FCHO1: variants seen among roughly 807,000 people sequenced by gnomAD.
FCHO1 encodes the protein FCH and mu domain containing endocytic adaptor 1.
FCHO1 carries 45 observed loss-of-function variants against 114.4 expected under a neutral mutation model. The observed-to-expected ratio is 0.39, with a 90% CI of 0.31 to 0.50. The LOEUF is 0.50. Among genes scored for constraint, FCHO1 ranks in the 20% least tolerant of loss-of-function variants. The pLI, the probability that FCHO1 is intolerant of heterozygous loss-of-function variation, is 0.77. For synonymous variants in FCHO1, 480 were observed against 488.9 expected (o/e 0.98, Z 0.24); for missense variants, 1,042 against 1,209.6 (o/e 0.86, Z 2.06).
rs900630269 is a variant in FCHO1, at chr19:17,788,461, G to A, written c.*155G>A. On this transcript the variant is annotated 3_prime_UTR_variant, in exon 29 of 29. Coordinates refer to ENST00000596536, the MANE Select transcript of FCHO1 (RefSeq NM_015122.3). ...CCATGCCCAGCCTGGCTGAGCCCGAGATTCGCTCCTCCCCCTCATGCCAAC... is the reference window on the plus strand; with the variant it reads ...CCATGCCCAGCCTGGCTGAGCCCGAAATTCGCTCCTCCCCCTCATGCCAAC... 3.3e-6 allele frequency: 2 copies of A among 603,344 alleles called. No homozygotes were observed. The highest frequency in any genetic ancestry group is 1.9e-5 in the African/African-American group (1 of 52,824). 37.4% of individuals were successfully genotyped at this position (603,344 alleles called of 1,614,324 possible). A position where few individuals can be genotyped will look rare whatever the true frequency, so the allele number is the denominator to read the frequency against.
intron 6 of FCHO1, 26 bp downstream of exon 6, chr19:17,764,475 T>G: frequency 6.4e-7 from 1 of 1,573,610 alleles, no homozygotes; most frequent in Non-Finnish European, 8.7e-7. Context: ...GTCACCAACA[T>G]GGGGACATTG....
intron 7 of FCHO1, 145 bp from the exon 8 acceptor site, chr19:17,770,280 A>G (rs928902413): frequency 9.4e-6 from 7 of 741,162 alleles, no homozygotes; most frequent in Non-Finnish European, 1.2e-5. Context: ...CAGCCTGGAC[A>G]ACAAGAGCGA....
chr19:17,749,440 G>T (rs1435022630), upstream of FCHO1, among the ~76,000 whole-genome samples: 1 of 152,120 alleles, frequency 6.6e-6, no homozygotes, highest in African/African-American at 2.4e-5. Flanking sequence ...TCTTTAAATC[G>T]GGTCACAGCT....
intron 7 of FCHO1, among the ~76,000 whole-genome samples, 163 bp from the exon 8 acceptor site, chr19:17,770,261 AC>A (rs2091081841): frequency 6.6e-6 from 1 of 152,194 alleles, no homozygotes; most frequent in Non-Finnish European, 1.5e-5. Flanking sequence ...AGATCGTGCC[AC>A]TGCACTCCAG....
At position 17,766,801 on chromosome 19, in the gene FCHO1, C is replaced by T. The variant is rs771056954; in HGVS notation, c.327C>T (p.Thr109=). 6.2e-6 allele frequency: 10 copies of T among 1,613,734 alleles called. No homozygotes were observed. The highest frequency in any genetic ancestry group is 7.6e-6 in the Non-Finnish European group (9 of 1,179,816). The part of the protein sequence containing the change: ...VLRYGEEQLK[T]HKKCKEEVVS... Reference sequence around the variant, plus strand: ...GCTACGGCGAGGAACAGCTCAAGACCCACAAGAAGGTGTGTGTCGTGGGCG... The same window carrying T: ...GCTACGGCGAGGAACAGCTCAAGACTCACAAGAAGGTGTGTGTCGTGGGCG... Residue 109 remains threonine (T), a synonymous_variant, in exon 7 of 29, where the codon ACC becomes ACT. Transcript: ENST00000596536.
chr19:17,781,686 C>A, intron 22 of FCHO1, 26 bp from the exon 23 acceptor site: 1 of 1,569,944 alleles, frequency 6.4e-7, no homozygotes, highest in Middle Eastern at 1.7e-4. Context: ...ATCCGTTGTT[C>A]CCCATTCCCT....
intron 26 of FCHO1, among the ~76,000 whole-genome samples, chr19:17,785,335 C>T (rs746278299): frequency 3.9e-5 from 6 of 152,192 alleles, no homozygotes; most frequent in Non-Finnish European, 7.3e-5. Flanking sequence ...TTTTCTCTGC[C>T]TCAGCCTCCC....
chr19:17,785,258 C>T (rs1025025913), intron 26 of FCHO1, among the ~76,000 whole-genome samples: 13 of 152,176 alleles, frequency 8.5e-5, no homozygotes, highest in African/African-American at 2.7e-4. Context: ...CTCGCTCTGT[C>T]GTGCAGGTTG....
intron 4 of FCHO1, among the ~76,000 whole-genome samples, chr19:17,760,145 G>A (rs752288019): frequency 3.1e-4 from 47 of 151,832 alleles, no homozygotes; most frequent in Non-Finnish European, 4.4e-4. Flanking sequence ...TCTGCCTCCC[G>A]GGTTCAAGCG....
At chr19:17,747,992 T>C (rs570457094), upstream of FCHO1, among the ~76,000 whole-genome samples, 90 of 152,256 alleles carry the variant, frequency 5.9e-4, no homozygotes, top group African/African-American at 2.0e-3. Context: ...CAAGTGGTAA[T>C]TGGGGGTCCG....
chr19:17,750,481 CAG>C (rs1164669462), upstream of FCHO1, among the ~76,000 whole-genome samples: 1 of 152,124 alleles, frequency 6.6e-6, no homozygotes, highest in African/African-American at 2.4e-5. Context: ...GTTTTTGAGA[CAG>C]AGTCTCTCTC....
At chr19:17,771,295 G>C (rs73520410) in intron 9 of FCHO1, among the ~76,000 whole-genome samples, 4,100 of 150,334 alleles carry the variant, frequency 0.027, 176 homozygotes, top group African/African-American at 0.094. Flanking sequence ...CTGAGGATTA[G>C]GAATCAGAAC....
In FCHO1 at chr19:17,764,465, G is replaced by A. The variant is rs142054668; in HGVS notation, c.194+16G>A. On this transcript the variant is annotated intron_variant, in intron 6 of 28. Transcript: ENST00000596536. ...CCCCCATGGGGTGAGTGGGGTAGGG[G>A]TCACCAACATGGGGACATTGGGAGC... 4 of 1,598,548 alleles carry A rather than the reference G, an allele frequency of 2.5e-6. No individual in the cohort carries two copies. The highest frequency in any genetic ancestry group is 4.5e-5 in the East Asian group (2 of 44,568).
chr19:17,772,861 C>A, intron 11 of FCHO1, 120 bp downstream of exon 11: 1 of 697,954 alleles, frequency 1.4e-6, no homozygotes, highest in South Asian at 1.8e-5. Context: ...CGAGGTTTCA[C>A]CATGTTGGCC....
chr19:17,776,036 G>A lies in FCHO1; in HGVS notation c.1057G>A (p.Glu353Lys). 6.2e-7 allele frequency: 1 copy of A among 1,610,252 alleles called. No homozygotes were observed. The highest frequency in any genetic ancestry group is 8.5e-7 in the Non-Finnish European group (1 of 1,179,998). ...CAGCGACTCCGACTTCGACGATGAAGAGCCCCGCAAGTTCTATGTGCACAT... is the reference window on the plus strand; with the variant it reads ...CAGCGACTCCGACTTCGACGATGAAAAGCCCCGCAAGTTCTATGTGCACAT... ...SSSDSDFDDE[E>K]PRKFYVHIKP... The change falls in exon 16 of 29, where the codon GAG becomes AAG. Residue 353 changes from glutamate (E) to lysine (K), a missense_variant. Around this residue, in one of 3 missense-constraint regions of FCHO1, gnomAD observed 450 missense variants for 564.1 expected, o/e 0.80. Coordinates refer to ENST00000596536, the MANE Select transcript of FCHO1 (RefSeq NM_015122.3). The surrounding 1 kb of genome is among the most constrained non-coding windows in gnomAD (Gnocchi z 4.4).
Position 17,784,957 on chromosome 19 carries a change from G to T in FCHO1, c.2426+33G>T. ...CTTGCGGGAGGCCAAGGAAAACTCA[G>T]CAGTTTCCCCCATAACCCCAGACCT... On this transcript the variant is annotated intron_variant, in intron 26 of 28. Coordinates refer to ENST00000596536, the MANE Select transcript of FCHO1 (RefSeq NM_015122.3). This position sits in a 1 kb window ranked among gnomAD's most constrained non-coding sequence, Gnocchi z 5.3. 6.3e-7 allele frequency: 1 copy of T among 1,599,656 alleles called. No individual in the cohort carries two copies. The highest frequency in any genetic ancestry group is 8.5e-7 in the Non-Finnish European group (1 of 1,177,140).
intron 13 of FCHO1, 140 bp downstream of exon 13, chr19:17,774,618 C>T (rs1046089480): frequency 1.0e-5 from 7 of 669,686 alleles, no homozygotes; most frequent in Admixed American, 2.8e-5. Context: ...TCTACCTGAG[C>T]TAGACCAGGA....
In FCHO1 at chr19:17,775,473, T is replaced by C; in HGVS notation, c.963T>C (p.Asp321=). 1.2e-6 allele frequency: 2 copies of C among 1,613,910 alleles called. No individual in the cohort carries two copies. The highest frequency in any genetic ancestry group is 1.7e-6 in the Non-Finnish European group (2 of 1,179,938). The change falls in exon 15 of 29, where the codon GAT becomes GAC. Residue 321 remains aspartate (D), a synonymous_variant. Coordinates refer to ENST00000596536, the MANE Select transcript of FCHO1 (RefSeq NM_015122.3). This position sits in a 1 kb window ranked among gnomAD's most constrained non-coding sequence, Gnocchi z 5.1. ...TCCCCTAGACATGTCCAGAGGTGGA[T>C]GAAGAAGGTTTCACTGTCCGGCCTG... The part of the protein sequence containing the change: ...EPDSGTCPEV[D]EEGFTVRPDV...
chr19:17,785,866 T>TC (rs1460286852), intron 26 of FCHO1, among the ~76,000 whole-genome samples: 1 of 149,574 alleles, frequency 6.7e-6, no homozygotes, highest in East Asian at 1.9e-4. Context: ...GGTAGTGTGC[T>TC]CTTGTAGTCC....
Sources: gnomAD v4.1 joint callset for allele counts (sites outside exome capture counted in the v4.1 genomes callset) on GRCh38, gnomAD v4.1.1 for gene constraint, gnomAD v4.1.1 regional missense constraint, Gnocchi (gnomAD v3.1) non-coding constraint, MANE v1.5 for transcripts, NCBI Gene and HGNC (gene_info 2026-07-23, HGNC 2026-07-21) for gene names.